The following GPC5 variants were observed in gnomAD, a reference collection of about 807,000 sequenced individuals.
GPC5 encodes glypican-5.
A neutral mutation model predicts 53.9 loss-of-function variants in GPC5; 47 were observed. The ratio of observed to expected loss-of-function variants is 0.87; its 90% CI spans 0.69 to 1.11. GPC5 has a LOEUF of 1.11. Among genes scored for constraint, GPC5 ranks in the 50% most tolerant of loss-of-function variants. The probability of loss-of-function intolerance (pLI) is 0.00; values close to 1 mark genes in which losing one functional copy is unlikely to be tolerated. For missense variants in GPC5, 748 were observed against 713.1 expected (o/e 1.05, Z -0.56); for synonymous variants, 286 against 263.3 (o/e 1.09, Z -0.84).
Position 91,580,249 on chromosome 13 carries a change from A to G in GPC5, c.326-112938A>G, listed in dbSNP as rs2032310054. On this transcript the variant is annotated intron_variant, in intron 2 of 7. Coordinates refer to ENST00000377067, the MANE Select transcript of GPC5 (RefSeq NM_004466.6). ...GTATTTTGAGTAGAGACAGGGTTTC[A>G]TCGTGTTAGCCAGGATGGTCTTGAT... 2.0e-5 allele frequency among the ~76,000 whole-genome samples: 3 copies of G among 151,984 alleles called. No individual in the cohort carries two copies. In the South Asian group the frequency reaches 6.2e-4, roughly 32 times the overall value.
chr13:91,882,675 T>TTTTTG (rs2039279590), intron 5 of GPC5, among the ~76,000 whole-genome samples: 1 of 143,086 alleles, frequency 7.0e-6, no homozygotes, highest in African/African-American at 2.6e-5. Context: ...TTTGGGTTTT[T>TTTTTG]TTTTTTTTTT....
chr13:91,923,547 T>C (rs997032386), intron 6 of GPC5, among the ~76,000 whole-genome samples: 1 of 152,210 alleles, frequency 6.6e-6, no homozygotes, highest in Non-Finnish European at 1.5e-5. Flanking sequence ...AAATGTGCAT[T>C]ATAATAAACT....
intron 7 of GPC5, among the ~76,000 whole-genome samples, chr13:92,842,594 GTAAGATTAC>G (rs1033925078): frequency 1.3e-5 from 2 of 150,350 alleles, no homozygotes; most frequent in Non-Finnish European, 3.0e-5. Context: ...AGAAAGAAAA[GTAAGATTAC>G]TATAGACCCA....
intron 7 of GPC5, among the ~76,000 whole-genome samples, chr13:92,865,840 T>C (rs1434812271): frequency 6.6e-6 from 1 of 152,176 alleles, no homozygotes; most frequent in Non-Finnish European, 1.5e-5. Context: ...ATGTAAAATA[T>C]GATCTGTAGA....
chr13:92,752,376 T>TG (rs146252753), intron 7 of GPC5, among the ~76,000 whole-genome samples: 1,610 of 152,256 alleles, frequency 0.011, 24 homozygotes, highest in African/African-American at 0.037. Flanking sequence ...TAATTTCTGA[T>TG]TTTTCCCATT....
intron 5 of GPC5, among the ~76,000 whole-genome samples, chr13:91,756,672 T>C (rs2037300168): frequency 6.7e-6 from 1 of 148,672 alleles, no homozygotes; most frequent in Non-Finnish European, 1.5e-5. Context: ...TTACCAACAA[T>C]CCTACTTTTG....
rs1467322420 is a variant in GPC5 at position 91,888,887 on chromosome 13, A to T, written c.1281-19050A>T. Among the ~76,000 whole-genome samples the T allele has an allele frequency of 2.6e-5, 4 of 152,194 alleles. No individual in the cohort carries two copies. The South Asian group carries it at 8.3e-4, about 32-fold the overall frequency. ...CCATTGTATGAAATAACAATGTAAC[A>T]TAGGGAGGGAAGGAAAGAAAAGAGG... is the stretch of plus-strand genomic sequence containing the variant. On this transcript the variant is annotated intron_variant, in intron 5 of 7. Coordinates refer to ENST00000377067, the MANE Select transcript of GPC5 (RefSeq NM_004466.6).
At chr13:91,624,518 T>TTTC (rs2033948248) in intron 2 of GPC5, among the ~76,000 whole-genome samples, 2 of 152,042 alleles carry the variant, frequency 1.3e-5, no homozygotes, top group Non-Finnish European at 2.9e-5. Context: ...ATTGAAGACA[T>TTTC]AGAAGATTCA....
At chr13:91,583,873 G>A (rs1047355896) in intron 2 of GPC5, among the ~76,000 whole-genome samples, 21 of 152,238 alleles carry the variant, frequency 1.4e-4, no homozygotes, top group Middle Eastern at 6.8e-3. Context: ...AGCTTAAAAC[G>A]TAGAAATTAT....
At chr13:91,910,062 A>G (rs78698995) in intron 6 of GPC5, among the ~76,000 whole-genome samples, 2,168 of 152,320 alleles carry the variant, frequency 0.014, 26 homozygotes, top group Non-Finnish European at 0.02. Context: ...TTTAAGGTCT[A>G]CTAGAATTAT....
intron 5 of GPC5, among the ~76,000 whole-genome samples, chr13:91,856,054 TTG>T (rs1263895357): frequency 6.6e-6 from 1 of 151,576 alleles, no homozygotes; most frequent in Non-Finnish European, 1.5e-5. Flanking sequence ...TTCATATATT[TTG>T]TGTGTCACTA....
chr13:91,526,714 T>C (rs1223047977), intron 2 of GPC5, among the ~76,000 whole-genome samples: 1 of 152,188 alleles, frequency 6.6e-6, no homozygotes, highest in East Asian at 1.9e-4. Context: ...CTCACACTGT[T>C]ATAAAGAACT....
chr13:92,550,568 A>G (rs1468828879), intron 7 of GPC5, among the ~76,000 whole-genome samples: 6 of 151,858 alleles, frequency 4.0e-5, no homozygotes, highest in Non-Finnish European at 7.4e-5. Context: ...CAAGTAACAT[A>G]TTCCAACGGC....
At chr13:92,591,802 G>T (rs1407654943) in intron 7 of GPC5, among the ~76,000 whole-genome samples, 3 of 151,972 alleles carry the variant, frequency 2.0e-5, no homozygotes, top group Admixed American at 6.6e-5. Flanking sequence ...CTACTTCTAT[G>T]AGATCAACTT....
At chr13:91,567,438 G>T (rs1334172681) in intron 2 of GPC5, among the ~76,000 whole-genome samples, 2 of 152,160 alleles carry the variant, frequency 1.3e-5, no homozygotes, top group Admixed American at 1.3e-4. Context: ...AGAGGTCAAA[G>T]GTTATAGCAT....
intron 5 of GPC5, among the ~76,000 whole-genome samples, chr13:91,814,372 C>T (rs1297152693): frequency 6.6e-6 from 1 of 152,068 alleles, no homozygotes; most frequent in Non-Finnish European, 1.5e-5. Context: ...AGCTAGCTCC[C>T]ATTTGCAGGT....
intron 6 of GPC5, among the ~76,000 whole-genome samples, chr13:92,011,839 G>A (rs1161211051): frequency 1.3e-5 from 2 of 152,190 alleles, no homozygotes; most frequent in African/African-American, 4.8e-5. Flanking sequence ...AGTGGACACT[G>A]ACAAATTTAG....
intron 2 of GPC5, among the ~76,000 whole-genome samples, chr13:91,530,657 T>A (rs761572994): frequency 6.6e-6 from 1 of 152,196 alleles, no homozygotes; most frequent in Non-Finnish European, 1.5e-5. Flanking sequence ...ATTTTGGCAT[T>A]TGTGAAATCG....
chr13:92,103,704 G>A (rs889249012), intron 6 of GPC5, among the ~76,000 whole-genome samples: 10 of 152,220 alleles, frequency 6.6e-5, no homozygotes, highest in Middle Eastern at 3.4e-3. Context: ...TAACTCTCTC[G>A]GCATTTAGCA....
Sources: gnomAD v4.1 joint callset for allele counts (sites outside exome capture counted in the v4.1 genomes callset) on GRCh38, gnomAD v4.1.1 for gene constraint, MANE v1.5 for transcripts, NCBI Gene and HGNC (gene_info 2026-07-23, HGNC 2026-07-21) for gene names.